The following PGCKA1 variants were observed in gnomAD, a reference collection of about 807,000 sequenced individuals.
PGCKA1 encodes PDCD10 and GCKIII kinases associated 1.
chr4:37,465,351 C>T, the PGCKA1 span, among the ~76,000 whole-genome samples: 1 of 151,886 alleles, frequency 6.6e-6, no homozygotes, highest in Non-Finnish European at 1.5e-5. Flanking sequence ...ACAAAATGGA[C>T]CTGGACACAA....
chr4:37,517,342 A>AT, the PGCKA1 span, among the ~76,000 whole-genome samples: 3 of 149,842 alleles, frequency 2.0e-5, no homozygotes, highest in African/African-American at 7.3e-5. Flanking sequence ...ACCTGTGTAT[A>AT]TTTTTTTGAC....
chr4:37,569,441 T>C, the PGCKA1 span, among the ~76,000 whole-genome samples: 2 of 151,988 alleles, frequency 1.3e-5, no homozygotes, highest in African/African-American at 2.4e-5. Context: ...TCAGGTGATC[T>C]GCCTGCTTCG....
At chr4:37,523,866 G>T in the PGCKA1 span, among the ~76,000 whole-genome samples, 1 of 152,146 alleles carries the variant, frequency 6.6e-6, no homozygotes, top group Non-Finnish European at 1.5e-5. Flanking sequence ...AGAGAGAGCA[G>T]AAATGATCTT....
the PGCKA1 span, among the ~76,000 whole-genome samples, chr4:37,535,672 A>C: frequency 6.6e-6 from 1 of 152,288 alleles, no homozygotes. Context: ...GAAAATCGCT[A>C]TTTCATGACC....
chr4:37,588,721 T>C, the PGCKA1 span: 352 of 668,508 alleles, frequency 5.3e-4, 1 homozygote, highest in African/African-American at 5.5e-3. Context: ...GTGGTAGTTA[T>C]CCTTTTGCCA....
At chr4:37,532,759 C>G in the PGCKA1 span, among the ~76,000 whole-genome samples, 1 of 152,160 alleles carries the variant, frequency 6.6e-6, no homozygotes, top group South Asian at 2.1e-4. Context: ...AAAAGAGAAG[C>G]TAAAAAGTAT....
chr4:37,506,463 G>C, the PGCKA1 span, among the ~76,000 whole-genome samples: 1 of 151,470 alleles, frequency 6.6e-6, no homozygotes, highest in Non-Finnish European at 1.5e-5. Context: ...CTTTTGGTCT[G>C]TTGTGTTTCC....
At chr4:37,485,877 A>C in the PGCKA1 span, among the ~76,000 whole-genome samples, 1 of 152,176 alleles carries the variant, frequency 6.6e-6, no homozygotes, top group Non-Finnish European at 1.5e-5. Flanking sequence ...AATAGAAGGA[A>C]CTGAGCAGAT....
At chr4:37,478,432 T>C in the PGCKA1 span, among the ~76,000 whole-genome samples, 15,003 of 151,890 alleles carry the variant, frequency 0.099, 1,002 homozygotes, top group East Asian at 0.24. Context: ...TATAGTAGCC[T>C]ATTCTTTGTT....
the PGCKA1 span, chr4:37,590,791 G>A: frequency 5.6e-6 from 9 of 1,614,132 alleles, no homozygotes; most frequent in South Asian, 5.5e-5. Context: ...GAATGAGGAT[G>A]TGGAAACAGA....
the PGCKA1 span, among the ~76,000 whole-genome samples, chr4:37,520,521 C>T: frequency 2.6e-5 from 4 of 152,150 alleles, no homozygotes; most frequent in African/African-American, 9.7e-5. Flanking sequence ...TTATCTGTTT[C>T]CTCCAAATTT....
At chr4:37,510,214 C>T in the PGCKA1 span, among the ~76,000 whole-genome samples, 1 of 151,910 alleles carries the variant, frequency 6.6e-6, no homozygotes, top group Non-Finnish European at 1.5e-5. Context: ...ATTGGTTCCT[C>T]GTTCCTTATC....
chr4:37,519,001 C>G, the PGCKA1 span, among the ~76,000 whole-genome samples: 1 of 152,170 alleles, frequency 6.6e-6, no homozygotes, highest in Non-Finnish European at 1.5e-5. Flanking sequence ...ATCCAGTCTT[C>G]CCAGGACCAT....
At chr4:37,480,911 A>G in the PGCKA1 span, among the ~76,000 whole-genome samples, 1 of 152,240 alleles carries the variant, frequency 6.6e-6, no homozygotes, top group Admixed American at 6.5e-5. Context: ...TAAGAGGCTT[A>G]TCCAAGATGA....
the PGCKA1 span, among the ~76,000 whole-genome samples, chr4:37,455,027 CCTT>C: frequency 6.6e-6 from 1 of 152,080 alleles, no homozygotes; most frequent in South Asian, 2.1e-4. Context: ...TACGGATGGT[CCTT>C]CTTGCCCTGG....
chr4:37,513,101 AG>A, the PGCKA1 span, among the ~76,000 whole-genome samples: 72,988 of 144,136 alleles, frequency 0.51, 19,002 homozygotes, highest in African/African-American at 0.59. Flanking sequence ...AAAAAAAAAA[AG>A]AAAGAAAGAA....
chr4:37,543,868 G>A, the PGCKA1 span, among the ~76,000 whole-genome samples: 1 of 151,552 alleles, frequency 6.6e-6, no homozygotes, highest in East Asian at 1.9e-4. Flanking sequence ...AGCCTTCTTA[G>A]CTTCTCCAAT....
At chr4:37,550,412 T>A in the PGCKA1 span, among the ~76,000 whole-genome samples, 1 of 152,024 alleles carries the variant, frequency 6.6e-6, no homozygotes, top group Non-Finnish European at 1.5e-5. Context: ...TTATGTGAGA[T>A]GTGTCAATAC....
the PGCKA1 span, among the ~76,000 whole-genome samples, chr4:37,457,664 T>C: frequency 3.3e-5 from 5 of 152,240 alleles, no homozygotes; most frequent in African/African-American, 1.2e-4. Flanking sequence ...TGTGAAATAG[T>C]ACTGCTTTTA....
Sources: allele counts gnomAD v4.1 joint callset (sites outside exome capture counted in the v4.1 genomes callset), GRCh38; gene constraint gnomAD v4.1.1; transcripts MANE v1.5; gene names NCBI Gene and HGNC (gene_info 2026-07-23, HGNC 2026-07-21).